The following TUB variants were observed in gnomAD, a reference collection of about 807,000 sequenced individuals.
TUB encodes tubby protein homolog.
A neutral mutation model predicts 59.7 loss-of-function variants in TUB; 33 were observed. That is an observed-to-expected ratio of 0.55 (90% CI 0.42 to 0.74). The LOEUF (loss-of-function observed/expected upper bound fraction) is 0.74, where lower values mean the gene tolerates loss of function less well. TUB is among the 30% of genes least tolerant of loss of function. The probability of loss-of-function intolerance (pLI) is 0.00; values close to 1 mark genes in which losing one functional copy is unlikely to be tolerated. For synonymous variants in TUB, 293 were observed against 256.4 expected (o/e 1.14, Z -1.36); for missense variants, 659 against 672.0 (o/e 0.98, Z 0.21).
intron 2 of TUB, among the ~76,000 whole-genome samples, chr11:8,058,275 A>G (rs1943054770): frequency 6.6e-6 from 1 of 151,656 alleles, no homozygotes; most frequent in Non-Finnish European, 1.5e-5. Flanking sequence ...AGTTATGTTT[A>G]CAAAGGTAAT....
chr11:8,061,038 A>T (rs969494422), intron 2 of TUB, among the ~76,000 whole-genome samples: 2 of 152,182 alleles, frequency 1.3e-5, no homozygotes, highest in African/African-American at 4.8e-5. Context: ...CCCAGGCATC[A>T]GGGTGCCCCA....
At chr11:8,093,332 C>G (rs1052995834) in intron 3 of TUB, among the ~76,000 whole-genome samples, 1 of 152,112 alleles carries the variant, frequency 6.6e-6, no homozygotes, top group African/African-American at 2.4e-5. Flanking sequence ...ACAGACCAGC[C>G]TGGTGTGGCT....
chr11:8,023,223 G>A (rs1942455294), intron 1 of TUB, among the ~76,000 whole-genome samples: 1 of 152,192 alleles, frequency 6.6e-6, no homozygotes, highest in African/African-American at 2.4e-5. Flanking sequence ...CCTAGGTTTA[G>A]AACTTGCACA....
At chr11:8,098,915 A>G (rs776515150) in intron 9 of TUB, 40 bp downstream of exon 9, 3 of 1,457,530 alleles carry the variant, frequency 2.1e-6, no homozygotes, top group African/African-American at 1.4e-5. Flanking sequence ...TCCAAGGTAG[A>G]TATGAAATCC....
At chr11:8,065,912 C>T (rs1277692935) in intron 2 of TUB, among the ~76,000 whole-genome samples, 4 of 152,252 alleles carry the variant, frequency 2.6e-5, no homozygotes, top group Non-Finnish European at 5.9e-5. Flanking sequence ...TCCACACATA[C>T]ATGACAGTGT....
At chr11:8,091,436 C>G (rs1364847088) in intron 3 of TUB, among the ~76,000 whole-genome samples, 1 of 152,176 alleles carries the variant, frequency 6.6e-6, no homozygotes, top group Admixed American at 6.5e-5. Flanking sequence ...CCTGCATTAT[C>G]TTGTTTCATC....
intron 4 of TUB, among the ~76,000 whole-genome samples, chr11:8,094,792 C>T (rs933720700): frequency 5.9e-5 from 9 of 152,206 alleles, no homozygotes; most frequent in Admixed American, 3.3e-4. Context: ...CTTTTGTTCA[C>T]GGACAGTGGT....
intron 2 of TUB, among the ~76,000 whole-genome samples, chr11:8,072,972 GT>G (rs1943385759): frequency 6.6e-6 from 1 of 152,192 alleles, no homozygotes; most frequent in Non-Finnish European, 1.5e-5. Context: ...AGAACGTTTA[GT>G]GCTAAAAGGA....
chr11:8,071,252 G>A (rs1943355212), intron 2 of TUB, among the ~76,000 whole-genome samples: 1 of 152,142 alleles, frequency 6.6e-6, no homozygotes, highest in African/African-American at 2.4e-5. Context: ...TTTCATAGGG[G>A]TAGGTCTAGC....
At chr11:8,035,933 C>T (rs1366463629), upstream of TUB, 8 of 152,276 alleles carry the variant, frequency 5.3e-5, no homozygotes, top group African/African-American at 7.2e-5. Flanking sequence ...AACCAGCCTT[C>T]CGCAGAGGGT....
chr11:8,104,595 A>C lies in TUB; in HGVS notation c.*2976A>C, dbSNP rs1347613716. 1 of 152,186 alleles carries C rather than the reference A, an allele frequency of 6.6e-6. No homozygotes were observed. Among genetic ancestry groups the C allele is most frequent in the African/African-American group, 2.4e-5 (1 of 41,452 alleles). The allele number at this position is 152,186 out of a possible 1,614,324, so 9.4% of individuals were successfully genotyped here. A position where few individuals can be genotyped will look rare whatever the true frequency, so the allele number is the denominator to read the frequency against. On this transcript the variant is annotated 3_prime_UTR_variant, in exon 12 of 12. Transcript: ENST00000299506. ...TGTCCATTCATCTCATGCTCTCTGA[A>C]CAGAAGGTATACCTGGGAAGATACC...
chr11:8,072,199 CCCA>C (rs1943372777), intron 2 of TUB, among the ~76,000 whole-genome samples: 1 of 152,138 alleles, frequency 6.6e-6, no homozygotes, highest in Admixed American at 6.5e-5. Context: ...GCCCCACAGC[CCCA>C]CCACCCCTGG....
rs1363014683 is a variant in TUB at position 8,094,169 on chromosome 11, AGAAGAAGG to A, written c.381_388del (p.Lys128AlafsTer16). The stretch of plus-strand genomic sequence containing the variant: ...GGCCAGGGTGGCGCCGCTAGGAAGG[AGAAGAAGG>A]GAAAGCACAAAGGTCAGCTCACATT... On this transcript the variant is annotated frameshift_variant, in exon 4 of 12. Transcript: ENST00000299506. LOFTEE classifies it high-confidence loss of function. 1 of 1,613,340 alleles carries A rather than the reference AGAAGAAGG, an allele frequency of 6.2e-7. No individual in the cohort carries two copies. Among genetic ancestry groups the A allele is most frequent in the Non-Finnish European group, 8.5e-7 (1 of 1,179,720 alleles).
At position 8,100,208 on chromosome 11, in the gene TUB, A is replaced by AT. The variant is rs535994358; in HGVS notation, c.1117-293dup. ...TGGAGCTGACAGAAACTGCTGATGG[A>AT]TTAGACGTAGGATGTAGAAGAGAGG... On this transcript the variant is annotated intron_variant, in intron 9 of 11. Transcript: ENST00000299506. 6.9e-4 allele frequency among the ~76,000 whole-genome samples: 105 copies of AT among 152,300 alleles called. No individual in the cohort carries two copies. The Middle Eastern group carries it at 0.014, about 20-fold the overall frequency.
At chr11:8,083,294 C>T (rs1943605558) in intron 1 of TUB, among the ~76,000 whole-genome samples, 1 of 152,218 alleles carries the variant, frequency 6.6e-6, no homozygotes, top group South Asian at 2.1e-4. Context: ...GTGGGAGGGG[C>T]AGCACTTACG....
intron 2 of TUB, among the ~76,000 whole-genome samples, chr11:8,071,522 A>G (rs1439118960): frequency 1.3e-5 from 2 of 152,242 alleles, no homozygotes; most frequent in African/African-American, 4.8e-5. Context: ...CATCCAAGAC[A>G]CTAATGGTGT....
chr11:8,101,463 T>TGC (rs1564928335), intron 11 of TUB, 23 bp from the exon 12 acceptor site: 1 of 1,557,066 alleles, frequency 6.4e-7, no homozygotes, highest in Admixed American at 1.9e-5. Flanking sequence ...CTTTTCTCTG[T>TGC]CTGTGCCTGT....
chr11:8,093,831 G>A (rs1166404382), intron 3 of TUB, among the ~76,000 whole-genome samples: 3 of 152,172 alleles, frequency 2.0e-5, no homozygotes, highest in Non-Finnish European at 4.4e-5. Flanking sequence ...CACTGGGCTG[G>A]GGGTGCCGCC....
At chr11:8,075,311 G>T (rs915687563) in intron 2 of TUB, among the ~76,000 whole-genome samples, 1 of 152,192 alleles carries the variant, frequency 6.6e-6, no homozygotes, top group African/African-American at 2.4e-5. Flanking sequence ...GTTTTCTCTG[G>T]AGGAAGGTAG....
Sources: gnomAD v4.1 joint callset for allele counts (sites outside exome capture counted in the v4.1 genomes callset) on GRCh38, gnomAD v4.1.1 for gene constraint, MANE v1.5 for transcripts, NCBI Gene and HGNC (gene_info 2026-07-23, HGNC 2026-07-21) for gene names.